Variants in AGPAT4 observed in about 807,000 individuals in gnomAD.
AGPAT4 encodes 1-acyl-sn-glycerol-3-phosphate acyltransferase delta.
In AGPAT4, 15 loss-of-function variants were observed where a neutral mutation model predicts 48.0. The observed-to-expected ratio is 0.31, with a 90% CI of 0.21 to 0.48. AGPAT4 has a LOEUF of 0.48. Ranked by LOEUF, AGPAT4 falls within the 20% of genes least tolerant of loss-of-function variation. The pLI is 0.99. For missense variants in AGPAT4, 314 were observed against 482.5 expected, an observed-to-expected ratio of 0.65 and a Z score of 3.27; for synonymous variants, 178 against 198.7, an observed-to-expected ratio of 0.90 and a Z score of 0.88.
chr6:161,187,076 T>C (rs1297619284), intron 2 of AGPAT4, among the ~76,000 whole-genome samples: 1 of 152,176 alleles, frequency 6.6e-6, no homozygotes, highest in Admixed American at 6.5e-5. Context: ...CTTGCTGACT[T>C]TGTTTTATCT....
Position 161,254,031 on chromosome 6 carries a change from C to T in AGPAT4, c.-90+19907G>A, listed in dbSNP as rs541557479. 6.6e-6 allele frequency among the ~76,000 whole-genome samples: 1 copy of T among 152,272 alleles called. No individual in the cohort carries two copies. Among genetic ancestry groups the T allele is most frequent in the South Asian group, 2.1e-4 (1 of 4,822 alleles). On this transcript the variant is annotated intron_variant, in intron 1 of 8. Coordinates refer to ENST00000320285, the MANE Select transcript of AGPAT4 (RefSeq NM_020133.3). The surrounding 1 kb of genome is among the most constrained non-coding windows in gnomAD (Gnocchi z 5.9). ...CAAATTGCTTTTTAAAATGGTTGGACAATTCACACTTCAGGTGGATGTTTG... is the reference window on the plus strand; with the variant it reads ...CAAATTGCTTTTTAAAATGGTTGGATAATTCACACTTCAGGTGGATGTTTG...
Position 161,134,248 on chromosome 6 carries a change from C to G in AGPAT4, c.*2292G>C, listed in dbSNP as rs1216192990. On this transcript the variant is annotated 3_prime_UTR_variant, in exon 9 of 9. Transcript: ENST00000320285. ...TGCCTGCATTCCTCCAGCCTGGAAC[C>G]CAAGGCCCTAGCAGGCAGGCTGTTT... 6.6e-6 allele frequency: 1 copy of G among 152,126 alleles called. No homozygotes were observed. Among genetic ancestry groups the G allele is most frequent in the Non-Finnish European group, 1.5e-5 (1 of 68,036 alleles). The allele number at this position is 152,126 out of a possible 1,614,324, so 9.4% of individuals were successfully genotyped here.
rs911694885 is a variant in AGPAT4, at chr6:161,264,099, A to T, written c.-90+9839T>A. The stretch of plus-strand genomic sequence containing the variant: ...AGTAAGTGCTGCGTAACACATGTTG[A>T]TTACAAAGTACATAAATGATCACCT... On this transcript the variant is annotated intron_variant, in intron 1 of 8. Transcript: ENST00000320285. The surrounding 1 kb of genome is among the most constrained non-coding windows in gnomAD (Gnocchi z 6.8). 6.6e-6 allele frequency among the ~76,000 whole-genome samples: 1 copy of T among 152,194 alleles called. No homozygotes were observed. The highest frequency in any genetic ancestry group is 1.5e-5 in the Non-Finnish European group (1 of 68,034).
chr6:161,213,922 G>A (rs933915583), intron 2 of AGPAT4, among the ~76,000 whole-genome samples: 10 of 152,110 alleles, frequency 6.6e-5, no homozygotes, highest in Non-Finnish European at 8.8e-5. Context: ...TTTAAAGTGG[G>A]GGTGGGGGTG....
chr6:161,249,647 A>G lies in AGPAT4; in HGVS notation c.-89-17345T>C, dbSNP rs747859975. 2.0e-5 allele frequency among the ~76,000 whole-genome samples: 3 copies of G among 152,230 alleles called. No homozygotes were observed. Among genetic ancestry groups the G allele is most frequent in the Non-Finnish European group, 4.4e-5 (3 of 68,034 alleles). On this transcript the variant is annotated intron_variant, in intron 1 of 8. Coordinates refer to ENST00000320285, the MANE Select transcript of AGPAT4 (RefSeq NM_020133.3). This position sits in a 1 kb window ranked among gnomAD's most constrained non-coding sequence, Gnocchi z 6.2. Reference sequence around the variant, plus strand: ...CACCAGTCAGAATGGCTATTATTTAAAAGTCAAAAAATAACACATGCTGGT... The same window carrying G: ...CACCAGTCAGAATGGCTATTATTTAGAAGTCAAAAAATAACACATGCTGGT...
chr6:161,242,456 T>C lies in AGPAT4; in HGVS notation c.-89-10154A>G, dbSNP rs1262692563. ...GTCCTGGGGAGCCTCAGTGGCACCT[T>C]TTCTCCAAGTAGAAGGCCACATCCT... On this transcript the variant is annotated intron_variant, in intron 1 of 8. Transcript: ENST00000320285. The surrounding 1 kb of genome is among the most constrained non-coding windows in gnomAD (Gnocchi z 5.0). Among the ~76,000 whole-genome samples the C allele has an allele frequency of 6.6e-6, 1 of 152,138 alleles. No homozygotes were observed. Among genetic ancestry groups the C allele is most frequent in the African/African-American group, 2.4e-5 (1 of 41,436 alleles).
rs1053731239 is a variant in AGPAT4 at position 161,158,502 on chromosome 6, G to A, written c.349-4192C>T. On this transcript the variant is annotated intron_variant, in intron 3 of 8. Coordinates refer to ENST00000320285, the MANE Select transcript of AGPAT4 (RefSeq NM_020133.3). This position sits in a 1 kb window ranked among gnomAD's most constrained non-coding sequence, Gnocchi z 5.3. ...CACTATGGAGAGAGAGAGTGAAAGA[G>A]AGAGTTGTCTTAGGGCAGGTGCTTG... Among the ~76,000 whole-genome samples, 6 of 152,222 alleles carry A rather than the reference G, an allele frequency of 3.9e-5. No individual in the cohort carries two copies. Among genetic ancestry groups the A allele is most frequent in the Non-Finnish European group, 8.8e-5 (6 of 68,042 alleles).
chr6:161,209,767 G>A (rs961532364), intron 2 of AGPAT4, among the ~76,000 whole-genome samples: 7 of 152,088 alleles, frequency 4.6e-5, no homozygotes, highest in East Asian at 1.9e-4. Context: ...GTGTTCAACC[G>A]ACGTTTGTTG....
At position 161,153,958 on chromosome 6, in the gene AGPAT4, C is replaced by G. The variant is rs552321051; in HGVS notation, c.510+191G>C. The G allele has an allele frequency of 1.1e-5, 8 of 722,090 alleles. No homozygotes were observed. The East Asian group carries it at 2.0e-4, about 18-fold the overall frequency. 44.7% of individuals were successfully genotyped at this position (722,090 alleles called of 1,614,324 possible). ...GGTCATACACGGCCCCACAGTCATACGTGGCCCCACGGTCACACACGGCCC... is the reference window on the plus strand; with the variant it reads ...GGTCATACACGGCCCCACAGTCATAGGTGGCCCCACGGTCACACACGGCCC... On this transcript the variant is annotated intron_variant, in intron 4 of 8. Transcript: ENST00000320285.
rs79825532 is a variant in AGPAT4 at position 161,190,710 on chromosome 6, A to G, written c.179-24293T>C. Among the ~76,000 whole-genome samples, 706 of 152,344 alleles carry G rather than the reference A, an allele frequency of 4.6e-3. 7 individuals are homozygous for G. Among genetic ancestry groups the G allele is most frequent in the African/African-American group, 0.016 (682 of 41,568 alleles). On this transcript the variant is annotated intron_variant, in intron 2 of 8. Coordinates refer to ENST00000320285, the MANE Select transcript of AGPAT4 (RefSeq NM_020133.3). Reference sequence around the variant, plus strand: ...CTCTCTAATCATGCCAATGGGAAAGAAAGACAAGCAATATGCCAATATAGG... The same window carrying G: ...CTCTCTAATCATGCCAATGGGAAAGGAAGACAAGCAATATGCCAATATAGG...
intron 2 of AGPAT4, among the ~76,000 whole-genome samples, chr6:161,186,769 A>G (rs1439618540): frequency 1.3e-5 from 2 of 152,158 alleles, no homozygotes; most frequent in East Asian, 3.9e-4. Context: ...AGCAACTGCA[A>G]CGCTGTTCCT....
chr6:161,151,821 G>A (rs1779598927), intron 5 of AGPAT4, among the ~76,000 whole-genome samples: 1 of 152,232 alleles, frequency 6.6e-6, no homozygotes, highest in African/African-American at 2.4e-5. Context: ...GAGCGCAGCA[G>A]CCTGGGAGGT....
In AGPAT4 at chr6:161,238,307, C is replaced by T. The variant is rs887140400; in HGVS notation, c.-89-6005G>A. 3.9e-5 allele frequency among the ~76,000 whole-genome samples: 6 copies of T among 152,206 alleles called. No homozygotes were observed. The highest frequency in any genetic ancestry group is 6.5e-5 in the Admixed American group (1 of 15,284). ...CAAGTATAGTAAAGCATTGGAAACA[C>T]TTGCCAGGATGCCTGGAACGGGGAA... On this transcript the variant is annotated intron_variant, in intron 1 of 8. Coordinates refer to ENST00000320285, the MANE Select transcript of AGPAT4 (RefSeq NM_020133.3). This position sits in a 1 kb window ranked among gnomAD's most constrained non-coding sequence, Gnocchi z 5.2.
Position 161,262,651 on chromosome 6 carries a change from AC to A in AGPAT4, c.-90+11286del, listed in dbSNP as rs1193548605. Among the ~76,000 whole-genome samples, 1 of 151,934 alleles carries A rather than the reference AC, an allele frequency of 6.6e-6. No homozygotes were observed. The highest frequency in any genetic ancestry group is 1.5e-5 in the Non-Finnish European group (1 of 67,988). ...TCTGACCCACTGCAAGCTCTACCCCACTTCTTCCTTTGCTCAGAAGGTTTGG... is the reference window on the plus strand; with the variant it reads ...TCTGACCCACTGCAAGCTCTACCCCATTCTTCCTTTGCTCAGAAGGTTTGG... On this transcript the variant is annotated intron_variant, in intron 1 of 8. Coordinates refer to ENST00000320285, the MANE Select transcript of AGPAT4 (RefSeq NM_020133.3). This position sits in a 1 kb window ranked among gnomAD's most constrained non-coding sequence, Gnocchi z 4.9.
intron 1 of AGPAT4, among the ~76,000 whole-genome samples, chr6:161,260,676 A>AAC (rs1783074960): frequency 6.6e-6 from 1 of 150,506 alleles, no homozygotes; most frequent in South Asian, 2.1e-4. Flanking sequence ...AAAAAAAAAA[A>AAC]AAAAAACAGG....
At chr6:161,190,270 T>C (rs1462679586) in intron 2 of AGPAT4, among the ~76,000 whole-genome samples, 2 of 152,212 alleles carry the variant, frequency 1.3e-5, no homozygotes, top group East Asian at 3.9e-4. Context: ...TTGTAACAAA[T>C]GTACCAGACT....
At position 161,142,123 on chromosome 6, in the gene AGPAT4, G is replaced by C. The variant is rs1489836143; in HGVS notation, c.844-2503C>G. ...CCTGCCTCAGCCTCCCAAAGTGTTG[G>C]GATTACAGGCGTGAGCCATTGCGCC... On this transcript the variant is annotated intron_variant, in intron 7 of 8. Coordinates refer to ENST00000320285, the MANE Select transcript of AGPAT4 (RefSeq NM_020133.3). This position sits in a 1 kb window ranked among gnomAD's most constrained non-coding sequence, Gnocchi z 6.4. Among the ~76,000 whole-genome samples the C allele has an allele frequency of 1.3e-5, 2 of 152,206 alleles. No homozygotes were observed. The highest frequency in any genetic ancestry group is 4.8e-5 in the African/African-American group (2 of 41,450).
intron 2 of AGPAT4, among the ~76,000 whole-genome samples, chr6:161,182,860 C>T (rs191566708): frequency 5.3e-5 from 8 of 152,284 alleles, no homozygotes; most frequent in Middle Eastern, 3.4e-3. Flanking sequence ...CACATGGACG[C>T]GGAGTGGACA....
chr6:161,183,410 A>G (rs1259260236), intron 2 of AGPAT4, among the ~76,000 whole-genome samples: 1 of 151,882 alleles, frequency 6.6e-6, no homozygotes, highest in East Asian at 2.0e-4. Flanking sequence ...ACTTAAGGCC[A>G]GGAGTTTGAG....
Sources: gnomAD v4.1 joint callset for allele counts (sites outside exome capture counted in the v4.1 genomes callset) on GRCh38, gnomAD v4.1.1 for gene constraint, Gnocchi (gnomAD v3.1) non-coding constraint, MANE v1.5 for transcripts, NCBI Gene and HGNC (gene_info 2026-07-23, HGNC 2026-07-21) for gene names.